SLC2A14: variants seen among roughly 807,000 people sequenced by gnomAD.
SLC2A14 encodes the protein solute carrier family 2 member 14.
In SLC2A14, 13 loss-of-function variants were observed where a neutral mutation model predicts 43.0. The ratio of observed to expected loss-of-function variants is 0.30; its 90% CI spans 0.20 to 0.48. The LOEUF (loss-of-function observed/expected upper bound fraction) is 0.48. Among genes scored for constraint, SLC2A14 ranks in the 20% least tolerant of loss-of-function variants. The pLI, the probability that SLC2A14 is intolerant of heterozygous loss-of-function variation, is 0.99. For synonymous variants in SLC2A14, 190 were observed against 233.8 expected, an observed-to-expected ratio of 0.81 and a Z score of 1.71; for missense variants, 428 against 620.4, an observed-to-expected ratio of 0.69 and a Z score of 3.29.
chr12:7,817,927 G>A lies in SLC2A14; in HGVS notation c.1179C>T (p.Leu393=), dbSNP rs762655088. 5 of 1,614,218 alleles carry A rather than the reference G, an allele frequency of 3.1e-6. No individual in the cohort carries two copies. The highest frequency in any genetic ancestry group is 4.2e-6 in the Non-Finnish European group (5 of 1,180,040). ...CAGCTGGGCGGGGGCCCTGGCTGAAGAGTTCGGCCACAATAAACCAGGGAA... is the reference window on the plus strand; with the variant it reads ...CAGCTGGGCGGGGGCCCTGGCTGAAAAGTTCGGCCACAATAAACCAGGGAA... ...GPIPWFIVAE[L]FSQGPRPAAM... Residue 393 remains leucine (L), a synonymous_variant, in exon 10 of 11, where the codon CTC becomes CTT. Transcript: ENST00000431042.
In SLC2A14 at chr12:7,870,907, G is replaced by A. The variant is rs373071567; in HGVS notation, c.-57-970C>T. The A allele has an allele frequency of 2.8e-5, 39 of 1,396,220 alleles. 1 individual carries two copies. In the African/African-American group the frequency reaches 4.8e-4, roughly 17 times the overall value. 86.5% of individuals were successfully genotyped at this position (1,396,220 alleles called of 1,614,324 possible). Reference sequence around the variant, plus strand: ...ACCAAGAAGCGACCACAGCACAAGGGGCCACATCCAATGTCTTCGTGATGT... The same window carrying A: ...ACCAAGAAGCGACCACAGCACAAGGAGCCACATCCAATGTCTTCGTGATGT... On this transcript the variant is annotated intron_variant, in intron 1 of 10. Transcript: ENST00000431042.
intron 2 of SLC2A14, among the ~76,000 whole-genome samples, chr12:7,849,727 C>T (rs986716726): frequency 7.9e-5 from 12 of 151,486 alleles, no homozygotes; most frequent in Admixed American, 4.6e-4. Flanking sequence ...GGTAAAACCC[C>T]GTCTCTACTA....
intron 1 of SLC2A14, among the ~76,000 whole-genome samples, chr12:7,883,518 G>A (rs1293563692): frequency 1.5e-4 from 22 of 150,274 alleles, no homozygotes; most frequent in Non-Finnish European, 2.4e-4. Flanking sequence ...CGCCTGCCTC[G>A]GCCTCCCAAA....
intron 2 of SLC2A14, among the ~76,000 whole-genome samples, chr12:7,854,429 A>T (rs1441862735): frequency 6.6e-6 from 1 of 152,110 alleles, no homozygotes; most frequent in Non-Finnish European, 1.5e-5. Context: ...CTGTCCCTTG[A>T]TCTACTGAAG....
upstream of SLC2A14, among the ~76,000 whole-genome samples, chr12:7,874,979 A>G (rs1463733634): frequency 2.3e-5 from 1 of 42,896 alleles, no homozygotes; most frequent in Non-Finnish European, 4.7e-5. Flanking sequence ...ATATAAATAT[A>G]TTTATATATA....
intron 1 of SLC2A14, among the ~76,000 whole-genome samples, chr12:7,880,646 G>A (rs1448328561): frequency 7.3e-6 from 1 of 136,798 alleles, no homozygotes; most frequent in Non-Finnish European, 1.5e-5. Context: ...GGCCAACATG[G>A]AGAAACCCTG....
chr12:7,886,657 A>T (rs1163728140), intron 1 of SLC2A14, among the ~76,000 whole-genome samples: 3 of 152,014 alleles, frequency 2.0e-5, no homozygotes, highest in Admixed American at 2.0e-4. Context: ...TGGTAATTGG[A>T]GAGTAACTCT....
chr12:7,816,834 A>G (rs1049255491), intron 10 of SLC2A14, among the ~76,000 whole-genome samples: 9 of 151,868 alleles, frequency 5.9e-5, no homozygotes, highest in Admixed American at 2.6e-4. Context: ...CAGCCTCCCG[A>G]GTAGCTAGGA....
chr12:7,834,388 G>T (rs1374267463), intron 2 of SLC2A14, among the ~76,000 whole-genome samples: 2 of 151,860 alleles, frequency 1.3e-5, no homozygotes, highest in Non-Finnish European at 1.5e-5. Context: ...TGAGTCTTGA[G>T]AATCTAAAAA....
chr12:7,824,272 A>G (rs1173660693), intron 7 of SLC2A14, among the ~76,000 whole-genome samples: 3 of 152,066 alleles, frequency 2.0e-5, no homozygotes, highest in Non-Finnish European at 4.4e-5. Flanking sequence ...AAACAAAACA[A>G]AACCTCAACA....
intron 2 of SLC2A14, among the ~76,000 whole-genome samples, chr12:7,856,869 G>A (rs911979901): frequency 2.3e-4 from 35 of 149,704 alleles, no homozygotes; most frequent in Non-Finnish European, 3.4e-4. Context: ...ACAGAGTCTC[G>A]CCCTGTCGCT....
chr12:7,862,617 C>G (rs113289682), intron 2 of SLC2A14, among the ~76,000 whole-genome samples: 13 of 152,224 alleles, frequency 8.5e-5, no homozygotes, highest in African/African-American at 3.1e-4. Flanking sequence ...AGCACCGGTG[C>G]GTGATCCACT....
At chr12:7,821,503 T>C (rs1863906476) in intron 7 of SLC2A14, among the ~76,000 whole-genome samples, 178 bp from the exon 8 acceptor site, 1 of 152,112 alleles carries the variant, frequency 6.6e-6, no homozygotes, top group African/African-American at 2.4e-5. Context: ...GCCAATATGG[T>C]GAAACCCTGT....
At chr12:7,850,031 TAA>T (rs35416196) in intron 2 of SLC2A14, among the ~76,000 whole-genome samples, 7 of 135,070 alleles carry the variant, frequency 5.2e-5, no homozygotes, top group Non-Finnish European at 3.2e-5. Context: ...AAGAAAGTGC[TAA>T]AAAAAAAAAA....
chr12:7,863,108 C>T (rs142017740), intron 2 of SLC2A14, among the ~76,000 whole-genome samples: 254 of 152,238 alleles, frequency 1.7e-3, no homozygotes, highest in Middle Eastern at 3.4e-3. Flanking sequence ...TTTATGTCCA[C>T]GTTGCTTTTA....
chr12:7,867,220 A>G (rs1381817420), intron 2 of SLC2A14, among the ~76,000 whole-genome samples: 1 of 137,736 alleles, frequency 7.3e-6, no homozygotes, highest in Non-Finnish European at 1.5e-5. Flanking sequence ...CGGAGCTTGC[A>G]GTGAGCGGAG....
chr12:7,816,003 C>A (rs1863413626), intron 10 of SLC2A14, among the ~76,000 whole-genome samples: 1 of 151,986 alleles, frequency 6.6e-6, no homozygotes, highest in Non-Finnish European at 1.5e-5. Flanking sequence ...CATGTTCAAG[C>A]AATTCTCCTG....
chr12:7,889,020 T>C (rs1016811936), intron 1 of SLC2A14, among the ~76,000 whole-genome samples: 3 of 152,026 alleles, frequency 2.0e-5, no homozygotes, highest in Admixed American at 2.0e-4. Flanking sequence ...CTAGATATAA[T>C]TAAGATGGCT....
intron 2 of SLC2A14, among the ~76,000 whole-genome samples, chr12:7,848,691 G>A (rs1866674141): frequency 6.6e-6 from 1 of 151,822 alleles, no homozygotes; most frequent in South Asian, 2.1e-4. Flanking sequence ...GAGTAGCTGG[G>A]ATTACAGGTG....
Sources: gnomAD v4.1 joint callset for allele counts (sites outside exome capture counted in the v4.1 genomes callset) on GRCh38, gnomAD v4.1.1 for gene constraint, MANE v1.5 for transcripts, NCBI Gene and HGNC (gene_info 2026-07-23, HGNC 2026-07-21) for gene names.